SBNO1: variants seen among roughly 807,000 people sequenced by gnomAD.
SBNO1 encodes the protein protein strawberry notch homolog 1.
Under a neutral mutation model 173.6 loss-of-function variants are expected in SBNO1, and 23 were observed. The observed-to-expected ratio is 0.13, with a 90% CI of 0.10 to 0.19. The LOEUF (loss-of-function observed/expected upper bound fraction) is 0.19. Ranked by LOEUF, SBNO1 falls within the 10% of genes least tolerant of loss-of-function variation. SBNO1 has a pLI of 1.00. For missense variants in SBNO1, 1,238 were observed against 1,671.2 expected (o/e 0.74, Z 4.52); for synonymous variants, 632 against 571.5 (o/e 1.11, Z -1.51).
intron 1 of SBNO1, among the ~76,000 whole-genome samples, chr12:123,359,503 C>G (rs1338118378): frequency 1.4e-5 from 2 of 146,400 alleles, no homozygotes; most frequent in African/African-American, 2.5e-5. Context: ...TGGAGGTTGC[C>G]AAGATCGCAC....
At chr12:123,304,257 G>C (rs1258077879) in intron 29 of SBNO1, among the ~76,000 whole-genome samples, 1 of 151,432 alleles carries the variant, frequency 6.6e-6, no homozygotes, top group African/African-American at 2.4e-5. Flanking sequence ...TTTTTGAGAC[G>C]AAGTTTCGCG....
chr12:123,334,749 TAG>T lies in SBNO1; in HGVS notation c.749-538_749-537del, dbSNP rs377384544. Among the ~76,000 whole-genome samples the T allele has an allele frequency of 4.9e-3, 730 of 148,770 alleles. 5 individuals are homozygous for T. Among genetic ancestry groups the T allele is most frequent in the African/African-American group, 0.018 (706 of 39,358 alleles). On this transcript the variant is annotated intron_variant, in intron 6 of 31. Coordinates refer to ENST00000602398, the MANE Select transcript of SBNO1 (RefSeq NM_001167856.3). ...AAATTAAATAATAAATAAAATAAAATAGAGATTTGCTGATAAAAAAAAGATCT... is the reference window on the plus strand; with the variant it reads ...AAATTAAATAATAAATAAAATAAAATAGATTTGCTGATAAAAAAAAGATCT...
Position 123,309,599 on chromosome 12 carries a change from G to A in SBNO1, c.3443-16C>T, listed in dbSNP as rs1279335247. 2 of 1,609,020 alleles carry A rather than the reference G, an allele frequency of 1.2e-6. No homozygotes were observed. Among genetic ancestry groups the A allele is most frequent in the East Asian group, 4.5e-5 (2 of 44,834 alleles). On this transcript the variant is annotated splice_polypyrimidine_tract_variant and intron_variant, in intron 26 of 31. Transcript: ENST00000602398. ...GAACCAAGATCTTGAACAAGAAAAA[G>A]AAACATGTAAATGTAAAAAGAACAT...
At chr12:123,346,694 TAA>T (rs1210240101) in intron 3 of SBNO1, among the ~76,000 whole-genome samples, 2 of 151,088 alleles carry the variant, frequency 1.3e-5, no homozygotes, top group East Asian at 4.0e-4. Flanking sequence ...ATAAAAATAA[TAA>T]AGTCTACTAT....
intron 1 of SBNO1, among the ~76,000 whole-genome samples, chr12:123,360,048 T>C (rs917845028): frequency 1.3e-5 from 2 of 152,110 alleles, no homozygotes; most frequent in African/African-American, 4.8e-5. Flanking sequence ...GAGACCAGCC[T>C]GGCCAACGTG....
Position 123,326,026 on chromosome 12 carries a change from A to C in SBNO1, c.1875+126T>G, listed in dbSNP as rs879181235. 33 of 610,034 alleles carry C rather than the reference A, an allele frequency of 5.4e-5. 1 individual carries two copies. In the Admixed American group the frequency reaches 1.1e-3, roughly 20 times the overall value. The allele number at this position is 610,034 out of a possible 1,614,324, so 37.8% of individuals were successfully genotyped here. A position where few individuals can be genotyped will look rare whatever the true frequency, so the allele number is the denominator to read the frequency against. ...AGGCATTGCTTTTATAATTTTAAGAAATGTATTTTTTAGAAGTTTTACTAT... is the reference window on the plus strand; with the variant it reads ...AGGCATTGCTTTTATAATTTTAAGACATGTATTTTTTAGAAGTTTTACTAT... On this transcript the variant is annotated intron_variant, in intron 14 of 31. Transcript: ENST00000602398.
intron 23 of SBNO1, 61 bp from the exon 24 acceptor site, chr12:123,313,780 G>T: frequency 2.1e-6 from 2 of 965,884 alleles, no homozygotes; most frequent in East Asian, 2.5e-5. Context: ...TCAATCACAT[G>T]ACCACCTAAA....
chr12:123,350,382 C>G lies in SBNO1; in HGVS notation c.60G>C (p.Pro20=), dbSNP rs538900047. The change falls in exon 2 of 32, where the codon CCG becomes CCC. Residue 20 remains proline, a synonymous_variant. Coordinates refer to ENST00000602398, the MANE Select transcript of SBNO1 (RefSeq NM_001167856.3). ...CACCATCAATATCAAAGAGGTCATT[C>G]GGACTAATTCCACTCTCACTCAAAG... The part of the protein sequence containing the change: ...LAALSESGIS[P]NDLFDIDGGD... 1 of 1,613,982 alleles carries G rather than the reference C, an allele frequency of 6.2e-7. No individual in the cohort carries two copies. The highest frequency in any genetic ancestry group is 8.5e-7 in the Non-Finnish European group (1 of 1,179,912).
rs1873021594 is a variant in SBNO1, at chr12:123,345,547, T to C, written c.261A>G (p.Thr87=). Residue 87 remains threonine (T), a synonymous_variant, in exon 4 of 32, where the codon ACA becomes ACG. Coordinates refer to ENST00000602398, the MANE Select transcript of SBNO1 (RefSeq NM_001167856.3). ...NVRQQPPSTT[T]FVLNQINHLP... is the part of the protein sequence containing the mutation. ...GATGATTTATTTGATTCAGCACAAA[T>C]GTTGTAGTAGATGGAGGCTGCTGCT... The C allele has an allele frequency of 2.5e-6, 4 of 1,613,926 alleles. No individual in the cohort carries two copies. Among genetic ancestry groups the C allele is most frequent in the Non-Finnish European group, 2.5e-6 (3 of 1,179,804 alleles).
In SBNO1 at chr12:123,315,610, T is replaced by A. The variant is rs778715225; in HGVS notation, c.2986A>T (p.Ile996Leu). 6.2e-7 allele frequency: 1 copy of A among 1,614,050 alleles called. No individual in the cohort carries two copies. ...CTTTGTTCTCCTGCCAGTTCAGATA[T>A]CAGAAAGACATACTCAGGAGCAGTA... ...QVTAPEYVFL[I>L]SELAGEQRFA... is the part of the protein sequence containing the mutation. The change falls in exon 22 of 32, where the codon ATA becomes TTA. Residue 996 changes from isoleucine (I) to leucine (L), a missense_variant. Coordinates refer to ENST00000602398, the MANE Select transcript of SBNO1 (RefSeq NM_001167856.3).
intron 1 of SBNO1, among the ~76,000 whole-genome samples, chr12:123,357,586 C>T (rs953399211): frequency 5.3e-5 from 8 of 151,950 alleles, no homozygotes; most frequent in African/African-American, 1.9e-4. Flanking sequence ...ACGAAAAATA[C>T]AAAAATTAGC....
In SBNO1 at chr12:123,298,042, G is replaced by A. The variant is rs1321417622; in HGVS notation, c.3975C>T (p.Val1325=). 1.2e-6 allele frequency: 2 copies of A among 1,613,898 alleles called. No individual in the cohort carries two copies. Among genetic ancestry groups the A allele is most frequent in the South Asian group, 1.1e-5 (1 of 91,068 alleles). Residue 1325 remains valine, a synonymous_variant, in exon 31 of 32, where the codon GTC becomes GTT. Coordinates refer to ENST00000602398, the MANE Select transcript of SBNO1 (RefSeq NM_001167856.3). ...WTKVEGVLAS[V]SGTNVKMQIV... ...TCTGCATCTTCACGTTTGTGCCACTGACAGATGCTAGAACACCCTCAACTT... is the reference window on the plus strand; with the variant it reads ...TCTGCATCTTCACGTTTGTGCCACTAACAGATGCTAGAACACCCTCAACTT...
chr12:123,320,706 A>G lies in SBNO1; in HGVS notation c.2484T>C (p.Ser828=). 1 of 1,604,068 alleles carries G rather than the reference A, an allele frequency of 6.2e-7. No individual in the cohort carries two copies. The highest frequency in any genetic ancestry group is 1.3e-5 in the African/African-American group (1 of 74,128). ...STPVISPAPN[S]TPANSNTNSN... ...AAGTTTCTGTATGGATACCTGGTGT[A>G]CTGTTAGGAGCAGGTGAGATAACTG... The change falls in exon 18 of 32, where the codon AGT becomes AGC. Residue 828 remains serine, a synonymous_variant. Coordinates refer to ENST00000602398, the MANE Select transcript of SBNO1 (RefSeq NM_001167856.3).
At position 123,330,596 on chromosome 12, in the gene SBNO1, AC is replaced by A. The variant is rs1452394525; in HGVS notation, c.1044-88del. On this transcript the variant is annotated intron_variant, in intron 8 of 31. Coordinates refer to ENST00000602398, the MANE Select transcript of SBNO1 (RefSeq NM_001167856.3). Reference sequence around the variant, plus strand: ...AAAATTAATAAAGCCAGGTCTTGACACTTAAAAAAAAAAAAAAAAAGAAAAA... The same window carrying A: ...AAAATTAATAAAGCCAGGTCTTGACATTAAAAAAAAAAAAAAAAAGAAAAA... 4 of 575,864 alleles carry A rather than the reference AC, an allele frequency of 6.9e-6. No homozygotes were observed. In the African/African-American group the frequency reaches 2.0e-4, roughly 28 times the overall value. 35.7% of individuals were successfully genotyped at this position (575,864 alleles called of 1,614,324 possible).
In SBNO1 at chr12:123,345,620, T is replaced by C. The variant is rs781497696; in HGVS notation, c.238-50A>G. 4.1e-6 allele frequency: 6 copies of C among 1,480,018 alleles called. 1 individual carries two copies. In the South Asian group the frequency reaches 4.8e-5, roughly 12 times the overall value. 91.7% of individuals were successfully genotyped at this position (1,480,018 alleles called of 1,614,324 possible). On this transcript the variant is annotated intron_variant, in intron 3 of 31. Coordinates refer to ENST00000602398, the MANE Select transcript of SBNO1 (RefSeq NM_001167856.3). ...CACTGAAAAATGCTTCATTCTCTAATGAAGCTTATATCCACAAACCTGGAA... is the reference window on the plus strand; with the variant it reads ...CACTGAAAAATGCTTCATTCTCTAACGAAGCTTATATCCACAAACCTGGAA...
At chr12:123,318,309 G>GT in intron 20 of SBNO1, among the ~76,000 whole-genome samples, 1 of 152,166 alleles carries the variant, frequency 6.6e-6, no homozygotes, top group Non-Finnish European at 1.5e-5. Flanking sequence ...GTGTGGTGGT[G>GT]TGTGCCTATA....
chr12:123,321,757 G>A, intron 16 of SBNO1, 25 bp from the exon 17 acceptor site: 1 of 1,591,554 alleles, frequency 6.3e-7, no homozygotes, highest in Non-Finnish European at 8.6e-7. Flanking sequence ...AAACAAGAGA[G>A]TCAGCCCAAA....
chr12:123,363,206 AAAC>A (rs1230565416), intron 1 of SBNO1, among the ~76,000 whole-genome samples: 1 of 152,174 alleles, frequency 6.6e-6, no homozygotes, highest in Non-Finnish European at 1.5e-5. Flanking sequence ...AAAATTTTGG[AAAC>A]AACTTCTTTA....
chr12:123,309,652 T>C (rs2049006807), intron 26 of SBNO1, 58 bp downstream of exon 26: 2 of 1,602,682 alleles, frequency 1.2e-6, no homozygotes, highest in Admixed American at 1.7e-5. Flanking sequence ...GTTTAAAGAA[T>C]TTCTCCACTC....
Sources: gnomAD v4.1 joint callset for allele counts (sites outside exome capture counted in the v4.1 genomes callset) on GRCh38, gnomAD v4.1.1 for gene constraint, MANE v1.5 for transcripts, NCBI Gene and HGNC (gene_info 2026-07-23, HGNC 2026-07-21) for gene names.